The following PTPN11 variants were observed in gnomAD, a reference collection of about 807,000 sequenced individuals.
PTPN11 encodes protein tyrosine phosphatase non-receptor type 11.
PTPN11 carries 6 observed loss-of-function variants against 78.8 expected under a neutral mutation model. The observed-to-expected ratio is 0.08, with a 90% CI of 0.04 to 0.15. The LOEUF is 0.15. Among genes scored for constraint, PTPN11 ranks in the 10% least tolerant of loss-of-function variants. The probability of loss-of-function intolerance (pLI) is 1.00; values close to 1 mark genes in which losing one functional copy is unlikely to be tolerated. For missense variants in PTPN11, 386 were observed against 744.8 expected (o/e 0.52, Z 5.61); for synonymous variants, 221 against 263.5 (o/e 0.84, Z 1.56).
At chr12:112,477,205 CA>C (rs1359601262) in intron 7 of PTPN11, among the ~76,000 whole-genome samples, 1 of 152,124 alleles carries the variant, frequency 6.6e-6, no homozygotes, top group African/African-American at 2.4e-5. Context: ...TTAATAGAGA[CA>C]GGGTTTTGTC....
chr12:112,426,729 G>A (rs964693756), intron 1 of PTPN11, among the ~76,000 whole-genome samples: 4 of 152,122 alleles, frequency 2.6e-5, no homozygotes, highest in African/African-American at 9.7e-5. Flanking sequence ...TGGTTTGTGT[G>A]TGTGTGTATG....
At position 112,467,182 on chromosome 12, in the gene PTPN11, G is replaced by GTTTT. The variant is rs2038341357; in HGVS notation, c.757-5761_757-5760insTTTT. ...GGAGTAGTGCCGTTGGGTACTCACA[G>GTTTT]TCAGTAGTGCCGTTGGGTACTCACA... On this transcript the variant is annotated intron_variant, in intron 6 of 15. Transcript: ENST00000351677. Among the ~76,000 whole-genome samples, 3 of 152,244 alleles carry GTTTT rather than the reference G, an allele frequency of 2.0e-5. No homozygotes were observed. The South Asian group carries it at 6.2e-4, about 32-fold the overall frequency.
intron 6 of PTPN11, among the ~76,000 whole-genome samples, chr12:112,472,214 C>T (rs2038429703): frequency 6.6e-6 from 1 of 152,150 alleles, no homozygotes; most frequent in Non-Finnish European, 1.5e-5. Flanking sequence ...TCTTGAACTC[C>T]TGGGCTCAAG....
chr12:112,450,539 G>A, intron 3 of PTPN11, 27 bp downstream of exon 3: 1 of 1,601,126 alleles, frequency 6.2e-7, no homozygotes, highest in Non-Finnish European at 8.6e-7. Flanking sequence ...TGACCACAAA[G>A]TCTGCTGCTC....
chr12:112,506,966 G>T lies in PTPN11; in HGVS notation c.*1174G>T. The T allele has an allele frequency of 3.9e-6, 1 of 256,066 alleles. No homozygotes were observed. Among genetic ancestry groups the T allele is most frequent in the Admixed American group, 3.5e-5 (1 of 28,306 alleles). 15.9% of individuals were successfully genotyped at this position (256,066 alleles called of 1,614,324 possible). A position where few individuals can be genotyped will look rare whatever the true frequency, so the allele number is the denominator to read the frequency against. On this transcript the variant is annotated 3_prime_UTR_variant, in exon 16 of 16. Transcript: ENST00000351677. ...CTCTATTGATGATGATGATGATGAT[G>T]ATGATGATGATGATGATGATGATGA... is the stretch of plus-strand genomic sequence containing the variant.
intron 1 of PTPN11, among the ~76,000 whole-genome samples, chr12:112,442,694 C>A (rs866559297): frequency 2.7e-5 from 4 of 150,338 alleles, no homozygotes; most frequent in South Asian, 2.1e-4. Context: ...TCAGGTGGTC[C>A]ACCTGCCTCC....
intron 6 of PTPN11, among the ~76,000 whole-genome samples, chr12:112,459,471 TG>T (rs2038214729): frequency 1.3e-5 from 2 of 151,898 alleles, no homozygotes; most frequent in Admixed American, 1.3e-4. Context: ...TGTTTTGTTT[TG>T]TTTTTTGTTT....
At chr12:112,502,306 A>C in intron 14 of PTPN11, 50 bp downstream of exon 14, 9 of 1,506,132 alleles carry the variant, frequency 6.0e-6, no homozygotes, top group Non-Finnish European at 8.3e-6. Context: ...GTGGTTTAAA[A>C]AGGTTTAAAA....
At chr12:112,496,213 T>G (rs2038812151) in intron 13 of PTPN11, among the ~76,000 whole-genome samples, 1 of 152,254 alleles carries the variant, frequency 6.6e-6, no homozygotes, top group African/African-American at 2.4e-5. Flanking sequence ...CTTTGGTCAC[T>G]GGGAGGTTCT....
At position 112,489,182 on chromosome 12, in the gene PTPN11, G is replaced by A; in HGVS notation, c.1599+7G>A. 1 of 1,614,146 alleles carries A rather than the reference G, an allele frequency of 6.2e-7. No individual in the cohort carries two copies. The highest frequency in any genetic ancestry group is 1.1e-5 in the South Asian group (1 of 91,082). On this transcript the variant is annotated splice_region_variant and intron_variant, in intron 13 of 15. Transcript: ENST00000351677. Reference sequence around the variant, plus strand: ...CAGGATTGAAGAAGAGCAGGTACCAGCCTGAGGGCTGGCATGCGGATTCTC... The same window carrying A: ...CAGGATTGAAGAAGAGCAGGTACCAACCTGAGGGCTGGCATGCGGATTCTC...
At chr12:112,498,123 A>T (rs2038834220) in intron 13 of PTPN11, among the ~76,000 whole-genome samples, 1 of 152,022 alleles carries the variant, frequency 6.6e-6, no homozygotes, top group Non-Finnish European at 1.5e-5. Flanking sequence ...ACTGCATTCC[A>T]GCCTGGGTGA....
chr12:112,459,457 GT>G, intron 6 of PTPN11, among the ~76,000 whole-genome samples: 1 of 150,042 alleles, frequency 6.7e-6, no homozygotes, highest in African/African-American at 2.5e-5. Flanking sequence ...TTGAGATAGA[GT>G]TTTGTTTTGT....
At chr12:112,425,874 G>A (rs559165780) in intron 1 of PTPN11, among the ~76,000 whole-genome samples, 5 of 151,886 alleles carry the variant, frequency 3.3e-5, no homozygotes, top group South Asian at 2.1e-4. Context: ...AACTGCAGGC[G>A]TGCACCACCA....
intron 1 of PTPN11, among the ~76,000 whole-genome samples, chr12:112,437,161 A>AT: frequency 6.6e-6 from 1 of 151,150 alleles, no homozygotes; most frequent in South Asian, 2.1e-4. Flanking sequence ...ATTTTATTTT[A>AT]TTTTTTTGAG....
At chr12:112,419,257 C>A in intron 1 of PTPN11, 132 bp downstream of exon 1, 1 of 914,744 alleles carries the variant, frequency 1.1e-6, no homozygotes, top group Non-Finnish European at 1.5e-6. Flanking sequence ...GGCCGGTTCC[C>A]TCCTCGTCCC....
chr12:112,467,026 C>G (rs1410644019), intron 6 of PTPN11, among the ~76,000 whole-genome samples: 1 of 152,110 alleles, frequency 6.6e-6, no homozygotes, highest in Non-Finnish European at 1.5e-5. Flanking sequence ...AGTCACTGGG[C>G]TGCTGCTCCT....
chr12:112,495,406 T>C (rs1186069979), intron 13 of PTPN11, among the ~76,000 whole-genome samples: 1 of 152,226 alleles, frequency 6.6e-6, no homozygotes, highest in Admixed American at 6.5e-5. Flanking sequence ...TCTTGTAGGA[T>C]ATCCCACAAC....
intron 1 of PTPN11, among the ~76,000 whole-genome samples, chr12:112,420,378 C>T (rs1326772352): frequency 2.0e-5 from 3 of 151,548 alleles, no homozygotes; most frequent in Admixed American, 6.6e-5. Flanking sequence ...CGGAGGCTCA[C>T]TCTGTTGCCC....
intron 12 of PTPN11, among the ~76,000 whole-genome samples, chr12:112,488,713 G>C (rs1395951954): frequency 1.3e-5 from 2 of 152,208 alleles, no homozygotes; most frequent in African/African-American, 4.8e-5. Flanking sequence ...AGGAGCTGCA[G>C]AACCCACTGC....
Sources: allele counts gnomAD v4.1 joint callset (sites outside exome capture counted in the v4.1 genomes callset), GRCh38; gene constraint gnomAD v4.1.1; transcripts MANE v1.5; gene names NCBI Gene and HGNC (gene_info 2026-07-23, HGNC 2026-07-21).